GUCY1A2: variants seen among roughly 807,000 people sequenced by gnomAD.
The protein encoded by GUCY1A2 is guanylate cyclase 1 soluble subunit alpha 2.
Under a neutral mutation model 63.5 loss-of-function variants are expected in GUCY1A2, and 27 were observed. That is an observed-to-expected ratio of 0.43 (90% confidence interval 0.31 to 0.59). GUCY1A2 has a LOEUF of 0.59. GUCY1A2 is among the 20% of genes least tolerant of loss of function. The probability of loss-of-function intolerance (pLI) is 0.11; values close to 1 mark genes in which losing one functional copy is unlikely to be tolerated. For synonymous variants in GUCY1A2, 364 were observed against 343.5 expected (o/e 1.06, Z -0.66); for missense variants, 768 against 913.3 (o/e 0.84, Z 2.05).
In GUCY1A2 at chr11:106,809,025, T is replaced by C. The variant is rs548764348; in HGVS notation, c.1692+968A>G. ...AACATTGGCTACATAGTCTACATAA[T>C]GAAACTAAAGAGCTCATTTCCCCAA... On this transcript the variant is annotated intron_variant, in intron 5 of 7. Transcript: ENST00000526355. 1.6e-3 allele frequency among the ~76,000 whole-genome samples: 244 copies of C among 152,226 alleles called. 3 individuals are homozygous for C. Among genetic ancestry groups the C allele is most frequent in the Non-Finnish European group, 2.5e-3 (173 of 67,998 alleles).
At chr11:106,880,825 A>G (rs946008891) in intron 4 of GUCY1A2, among the ~76,000 whole-genome samples, 2 of 152,078 alleles carry the variant, frequency 1.3e-5, no homozygotes. Context: ...TCCTGGTTTT[A>G]TTATTGTTGT....
intron 4 of GUCY1A2, among the ~76,000 whole-genome samples, chr11:106,912,867 A>G (rs1014779849): frequency 3.3e-5 from 5 of 152,206 alleles, no homozygotes; most frequent in Admixed American, 6.6e-5. Context: ...CTCATCAGTG[A>G]AAACTATTGT....
intron 4 of GUCY1A2, among the ~76,000 whole-genome samples, chr11:106,828,456 T>C (rs1167870956): frequency 1.3e-5 from 2 of 152,236 alleles, no homozygotes; most frequent in Admixed American, 6.5e-5. Context: ...AAATAGGGTG[T>C]CCTTTCCCTA....
At chr11:106,875,038 T>C (rs752086261) in intron 4 of GUCY1A2, among the ~76,000 whole-genome samples, 6 of 152,176 alleles carry the variant, frequency 3.9e-5, no homozygotes, top group Middle Eastern at 3.2e-3. Context: ...CAGTCTTGTG[T>C]TCATTCCTCT....
In GUCY1A2 at chr11:106,934,457, G is replaced by A. The variant is rs78892025; in HGVS notation, c.1206+5003C>T. 5.4e-3 allele frequency among the ~76,000 whole-genome samples: 817 copies of A among 152,178 alleles called. 5 individuals are homozygous for A. Among genetic ancestry groups the A allele is most frequent in the Admixed American group, 8.8e-3 (135 of 15,294 alleles). On this transcript the variant is annotated intron_variant, in intron 4 of 7. Transcript: ENST00000526355. Reference sequence around the variant, plus strand: ...AGCAAGATGAAACTTGTCTTTCAACGGTTTCATTATGGTATAGTAAGATTA... The same window carrying A: ...AGCAAGATGAAACTTGTCTTTCAACAGTTTCATTATGGTATAGTAAGATTA...
intron 4 of GUCY1A2, among the ~76,000 whole-genome samples, chr11:106,913,296 A>T (rs1191487297): frequency 6.6e-6 from 1 of 152,166 alleles, no homozygotes; most frequent in Non-Finnish European, 1.5e-5. Flanking sequence ...TGCAAGCTGT[A>T]CACAAAGCAT....
rs551150087 is a variant in GUCY1A2 at position 106,719,780 on chromosome 11, A to G, written c.1837-11114T>C. ...TGAAGATTGGGTATTGGGATTTTTA[A>G]CCCTCCCTAGGGTTTCTAATATGCA... On this transcript the variant is annotated intron_variant, in intron 6 of 7. Transcript: ENST00000526355. Among the ~76,000 whole-genome samples the G allele has an allele frequency of 2.0e-5, 3 of 152,166 alleles. No homozygotes were observed. The South Asian group carries it at 6.2e-4, about 32-fold the overall frequency.
chr11:106,773,285 C>T (rs1181758810), intron 6 of GUCY1A2, among the ~76,000 whole-genome samples: 1 of 151,796 alleles, frequency 6.6e-6, no homozygotes, highest in African/African-American at 2.4e-5. Context: ...AATAATACTA[C>T]AGCATTCTTT....
intron 1 of GUCY1A2, among the ~76,000 whole-genome samples, chr11:107,009,837 T>G (rs1861719963): frequency 6.6e-6 from 1 of 152,224 alleles, no homozygotes; most frequent in Admixed American, 6.5e-5. Context: ...TAGAGCTCAC[T>G]GCTCAGTAGT....
At chr11:106,822,919 G>A (rs932136743) in intron 4 of GUCY1A2, among the ~76,000 whole-genome samples, 1 of 152,106 alleles carries the variant, frequency 6.6e-6, no homozygotes, top group African/African-American at 2.4e-5. Flanking sequence ...AGGGAGAATA[G>A]GGAATAGGAT....
chr11:106,903,723 T>C (rs982689316), intron 4 of GUCY1A2, among the ~76,000 whole-genome samples: 1 of 152,162 alleles, frequency 6.6e-6, no homozygotes, highest in Non-Finnish European at 1.5e-5. Context: ...TAGAAAGTGA[T>C]AAAGACATTT....
chr11:106,910,724 G>A (rs1204014489), intron 4 of GUCY1A2, among the ~76,000 whole-genome samples: 2 of 151,966 alleles, frequency 1.3e-5, no homozygotes, highest in Non-Finnish European at 2.9e-5. Context: ...TTAGACCCAC[G>A]AAGTCATACA....
At position 106,836,478 on chromosome 11, in the gene GUCY1A2, G is replaced by A. The variant is rs140663268; in HGVS notation, c.1207-26000C>T. ...TGACAGGCAACTGCAGCTGCAGGCC[G>A]CAATATACAGTACGTATAAAGTATT... On this transcript the variant is annotated intron_variant, in intron 4 of 7. Transcript: ENST00000526355. Among the ~76,000 whole-genome samples the A allele has an allele frequency of 3.6e-3, 546 of 152,048 alleles. 1 individual carries two copies. The highest frequency in any genetic ancestry group is 6.6e-3 in the Non-Finnish European group (445 of 67,920).
chr11:106,845,944 T>C (rs1859264809), intron 4 of GUCY1A2, among the ~76,000 whole-genome samples: 1 of 151,576 alleles, frequency 6.6e-6, no homozygotes, highest in African/African-American at 2.4e-5. Flanking sequence ...TAAGATAACA[T>C]TACAAAGAAT....
At chr11:106,856,552 G>T (rs1475638522) in intron 4 of GUCY1A2, among the ~76,000 whole-genome samples, 2 of 152,094 alleles carry the variant, frequency 1.3e-5, no homozygotes, top group Non-Finnish European at 2.9e-5. Flanking sequence ...GTGAAACTAT[G>T]TTAAATATTT....
chr11:106,689,189 C>G (rs566896815), intron 7 of GUCY1A2, among the ~76,000 whole-genome samples: 2 of 151,970 alleles, frequency 1.3e-5, no homozygotes, highest in African/African-American at 4.8e-5. Context: ...TATTCCTCCT[C>G]GAATGCTATT....
intron 1 of GUCY1A2, among the ~76,000 whole-genome samples, chr11:106,988,621 A>G (rs149780689): frequency 1.4e-4 from 21 of 152,334 alleles, no homozygotes; most frequent in Middle Eastern, 3.4e-3. Flanking sequence ...ACATACATTA[A>G]AAAGAAATGT....
intron 1 of GUCY1A2, among the ~76,000 whole-genome samples, chr11:106,987,095 A>G (rs1046924537): frequency 6.6e-6 from 1 of 152,166 alleles, no homozygotes; most frequent in Non-Finnish European, 1.5e-5. Context: ...AATAACAAAA[A>G]CCTGTAGTCA....
intron 4 of GUCY1A2, chr11:106,824,195 T>C (rs1858937887): frequency 2.3e-6 from 3 of 1,312,298 alleles, no homozygotes; most frequent in South Asian, 1.7e-5. Context: ...TAAATGGCTA[T>C]TAATTTTCAG....
Sources: gnomAD v4.1 joint callset for allele counts (sites outside exome capture counted in the v4.1 genomes callset) on GRCh38, gnomAD v4.1.1 for gene constraint, MANE v1.5 for transcripts, NCBI Gene and HGNC (gene_info 2026-07-23, HGNC 2026-07-21) for gene names.